Variants in SAMD5 observed in about 807,000 individuals in gnomAD.
SAMD5 encodes sterile alpha motif domain-containing protein 5.
Under a neutral mutation model 11.3 loss-of-function variants are expected in SAMD5, and 13 were observed. The observed-to-expected ratio is 1.15, with a 90% CI of 0.75 to 1.83. The LOEUF (loss-of-function observed/expected upper bound fraction) is 1.83. Among genes scored for constraint, SAMD5 ranks in the 40% most tolerant of loss-of-function variants. SAMD5 has a pLI of 0.00. For missense variants in SAMD5, 255 were observed against 239.1 expected (o/e 1.07, Z -0.44); for synonymous variants, 129 against 111.3 (o/e 1.16, Z -1.00).
At position 147,623,561 on chromosome 6, in the gene SAMD5, G is replaced by A. The variant is rs1157942936; in HGVS notation, c.163-113756G>A. Among the ~76,000 whole-genome samples, 3 of 152,168 alleles carry A rather than the reference G, an allele frequency of 2.0e-5. No homozygotes were observed. In the East Asian group the frequency reaches 5.8e-4, roughly 29 times the overall value. On this transcript the variant is annotated intron_variant, in intron 1 of 1. Coordinates refer to the SAMD5 transcript ENST00000566741. Reference sequence around the variant, plus strand: ...CTGATATTATCTTTGCCATTTTCGTGATGTATTTTCTTGTTAGAGCACATT... The same window carrying A: ...CTGATATTATCTTTGCCATTTTCGTAATGTATTTTCTTGTTAGAGCACATT...
At chr6:147,733,756 C>T in intron 1 of SAMD5, 1 of 967,004 alleles carries the variant, frequency 1.0e-6, no homozygotes, top group Non-Finnish European at 1.2e-6. Context: ...ATTCTTCAGG[C>T]AGAAAATGGG....
At chr6:147,816,281 CAAAAAAAAAAA>C in the SAMD5 span, among the ~76,000 whole-genome samples, 3 of 27,842 alleles carry the variant, frequency 1.1e-4, no homozygotes, top group African/African-American at 4.8e-4. Context: ...ACTCCGTCTC[CAAAAAAAAAAA>C]AAAAAAAAAA....
At chr6:147,911,462 G>T in the SAMD5 span, among the ~76,000 whole-genome samples, 1 of 152,152 alleles carries the variant, frequency 6.6e-6, no homozygotes, top group African/African-American at 2.4e-5. Context: ...ATAGCCCAGG[G>T]ACTCTGAGCT....
At chr6:147,801,297 A>AT in the SAMD5 span, among the ~76,000 whole-genome samples, 31 of 151,414 alleles carry the variant, frequency 2.0e-4, no homozygotes, top group African/African-American at 6.3e-4. Flanking sequence ...TAACAGCTAT[A>AT]TTTTTTTTTA....
the SAMD5 span, among the ~76,000 whole-genome samples, chr6:147,765,204 C>G: frequency 6.6e-6 from 1 of 151,604 alleles, no homozygotes; most frequent in Admixed American, 6.6e-5. Flanking sequence ...GTTTTATTTT[C>G]TTGTCTTTTT....
intron 1 of SAMD5, chr6:147,730,009 C>T (rs1156463737): frequency 3.2e-5 from 13 of 402,628 alleles, no homozygotes; most frequent in African/African-American, 9.1e-5. Context: ...TGCTTGAACC[C>T]GGGAGGTGGA....
the SAMD5 span, among the ~76,000 whole-genome samples, chr6:147,777,323 T>C: frequency 6.6e-6 from 1 of 152,124 alleles, no homozygotes. Flanking sequence ...GTTAATAATA[T>C]AAGGGTTCCT....
intron 1 of SAMD5, among the ~76,000 whole-genome samples, chr6:147,520,761 T>C (rs774694634): frequency 7.9e-5 from 12 of 152,148 alleles, no homozygotes; most frequent in African/African-American, 1.2e-4. Flanking sequence ...ATAAAAAGTG[T>C]ATATATTTTT....
chr6:147,806,325 C>T, the SAMD5 span, among the ~76,000 whole-genome samples: 8 of 152,204 alleles, frequency 5.3e-5, no homozygotes, highest in East Asian at 1.3e-3. Context: ...CGCGCACACA[C>T]ACACACACTC....
chr6:147,638,726 T>A (rs1246511952), intron 1 of SAMD5, among the ~76,000 whole-genome samples: 1 of 152,248 alleles, frequency 6.6e-6, no homozygotes, highest in Non-Finnish European at 1.5e-5. Flanking sequence ...TAGCCTATTA[T>A]GGAATAAATT....
chr6:147,749,646 T>C, the SAMD5 span, among the ~76,000 whole-genome samples: 1 of 152,152 alleles, frequency 6.6e-6, no homozygotes, highest in Non-Finnish European at 1.5e-5. Context: ...TTAGAGTGTA[T>C]GATAGATGTG....
chr6:147,728,793 T>A (rs1029660608), intron 1 of SAMD5, among the ~76,000 whole-genome samples: 3 of 152,244 alleles, frequency 2.0e-5, no homozygotes, highest in African/African-American at 7.2e-5. Flanking sequence ...TGTAAAAGGA[T>A]TGTAGCAAAA....
the SAMD5 span, among the ~76,000 whole-genome samples, chr6:147,746,185 AT>A: frequency 2.6e-5 from 4 of 152,146 alleles, no homozygotes. Context: ...ACTCCTCTGG[AT>A]CCTCGGTGCT....
intron 1 of SAMD5, among the ~76,000 whole-genome samples, chr6:147,654,060 G>A (rs1469412849): frequency 6.6e-6 from 1 of 152,098 alleles, no homozygotes; most frequent in Non-Finnish European, 1.5e-5. Context: ...GAGCCTTTTT[G>A]TCTTTTTTCC....
At position 147,547,998 on chromosome 6, in the gene SAMD5, A is replaced by G. The variant is rs112984242; in HGVS notation, c.460-16396A>G. Among the ~76,000 whole-genome samples the G allele has an allele frequency of 4.0e-3, 610 of 152,360 alleles. 3 individuals carry two copies. The highest frequency in any genetic ancestry group is 0.014 in the African/African-American group (576 of 41,588). On this transcript the variant is annotated intron_variant, in intron 1 of 1. Coordinates refer to ENST00000367474, the MANE Select transcript of SAMD5 (RefSeq NM_001030060.3). ...AAAGGCTTCTTGATATACAGAAAATACTTAAAGAGCAACTTAATTTAGGTA... is the reference window on the plus strand; with the variant it reads ...AAAGGCTTCTTGATATACAGAAAATGCTTAAAGAGCAACTTAATTTAGGTA...
At chr6:147,545,960 A>G (rs958415474) in intron 1 of SAMD5, among the ~76,000 whole-genome samples, 1 of 152,228 alleles carries the variant, frequency 6.6e-6, no homozygotes, top group Non-Finnish European at 1.5e-5. Flanking sequence ...GACTGCATAT[A>G]AAGCTGTTAA....
At chr6:147,620,648 T>C (rs1433611329) in intron 1 of SAMD5, among the ~76,000 whole-genome samples, 1 of 152,150 alleles carries the variant, frequency 6.6e-6, no homozygotes, top group African/African-American at 2.4e-5. Flanking sequence ...GGATACTGTG[T>C]TCCCCAAAGA....
chr6:147,753,686 TC>T, the SAMD5 span, among the ~76,000 whole-genome samples: 1 of 152,058 alleles, frequency 6.6e-6, no homozygotes, highest in African/African-American at 2.4e-5. Flanking sequence ...CCGTGAACCA[TC>T]CCCACCTTCC....
At chr6:147,739,976 C>A (rs1394464208), downstream of SAMD5, among the ~76,000 whole-genome samples, 1 of 152,030 alleles carries the variant, frequency 6.6e-6, no homozygotes, top group Admixed American at 6.6e-5. Flanking sequence ...CATGCCACCA[C>A]GCCCGGCCAA....
Sources: gnomAD v4.1 joint callset for allele counts (sites outside exome capture counted in the v4.1 genomes callset) on GRCh38, gnomAD v4.1.1 for gene constraint, MANE v1.5 for transcripts, NCBI Gene and HGNC (gene_info 2026-07-23, HGNC 2026-07-21) for gene names.